The following ITM2B variants were observed in gnomAD, a reference collection of about 807,000 sequenced individuals.
ITM2B encodes the protein ABri/ADan amyloid peptide.
A neutral mutation model predicts 27.8 loss-of-function variants in ITM2B; 11 were observed. The observed-to-expected ratio is 0.40, with a 90% CI of 0.25 to 0.66. The LOEUF (loss-of-function observed/expected upper bound fraction) is 0.66. Among genes scored for constraint, ITM2B ranks in the 30% least tolerant of loss-of-function variants. ITM2B has a pLI of 0.43. For missense variants in ITM2B, 296 were observed against 328.9 expected (o/e 0.90, Z 0.77); for synonymous variants, 114 against 114.3 (o/e 1.00, Z 0.02).
intron 1 of ITM2B, among the ~76,000 whole-genome samples, chr13:48,249,271 C>G (rs1362652246): frequency 6.6e-6 from 1 of 152,120 alleles, no homozygotes; most frequent in East Asian, 1.9e-4. Flanking sequence ...TGCTAAACTT[C>G]TTTCACTTAG....
chr13:48,243,115 T>C (rs1335144063), intron 1 of ITM2B, among the ~76,000 whole-genome samples: 1 of 151,986 alleles, frequency 6.6e-6, no homozygotes, highest in Non-Finnish European at 1.5e-5. Flanking sequence ...TCAGACAGGA[T>C]GGTCTAGAAA....
At chr13:48,258,649 A>G in intron 4 of ITM2B, 148 bp from the exon 5 acceptor site, 2 of 738,710 alleles carry the variant, frequency 2.7e-6, no homozygotes, top group South Asian at 1.5e-5. Context: ...AGCCTGGACA[A>G]CATAGTGAGA....
Position 48,258,963 on chromosome 13 carries a change from T to G in ITM2B, c.715+16T>G. On this transcript the variant is annotated intron_variant, in intron 5 of 5. Transcript: ENST00000647800. Reference sequence around the variant, plus strand: ...ACTATTAAAGGTAATACTTTTTAAATATTAAAGTGTTGGGCAGAAAAGTTC... The same window carrying G: ...ACTATTAAAGGTAATACTTTTTAAAGATTAAAGTGTTGGGCAGAAAAGTTC... 6.2e-7 allele frequency: 1 copy of G among 1,602,064 alleles called. No individual in the cohort carries two copies. Among genetic ancestry groups the G allele is most frequent in the South Asian group, 1.1e-5 (1 of 90,064 alleles).
Position 48,269,454 on chromosome 13 carries a change from C to T in ITM2B, c.*8230C>T, listed in dbSNP as rs1951871823. 1 of 147,996 alleles carries T rather than the reference C, an allele frequency of 6.8e-6. No individual in the cohort carries two copies. 9.2% of individuals were successfully genotyped at this position (147,996 alleles called of 1,614,324 possible). A position where few individuals can be genotyped will look rare whatever the true frequency, so the allele number is the denominator to read the frequency against. On this transcript the variant is annotated 3_prime_UTR_variant, in exon 6 of 6. Coordinates refer to ENST00000647800, the MANE Select transcript of ITM2B (RefSeq NM_021999.5). ...CATCATGTCACTCCCCTGCTCAAAT[C>T]CCAACATTTTATTCAGAATAAAAGT...
chr13:48,258,177 C>G lies in ITM2B; in HGVS notation c.505C>G (p.Leu169Val). The G allele has an allele frequency of 6.2e-7, 1 of 1,607,074 alleles. No homozygotes were observed. The highest frequency in any genetic ancestry group is 8.5e-7 in the Non-Finnish European group (1 of 1,173,776). The change falls in exon 4 of 6, where the codon CTG becomes GTG. Residue 169 changes from leucine (L) to valine (V), a missense_variant. Physicochemically the swap from Leu to Val is conservative, Grantham distance 32. Transcript: ENST00000647800. Reference protein sequence around the residue: ...LNLDKCYVIPLNTSIVMPPRN... With the variant: ...LNLDKCYVIPVNTSIVMPPRN... ...CCTGGATAAGTGCTATGTGATCCCT[C>G]TGAACACTTCCATTGTTATGCCACC...
chr13:48,260,843 C>G (rs1175178698), intron 5 of ITM2B, among the ~76,000 whole-genome samples: 1 of 152,106 alleles, frequency 6.6e-6, no homozygotes, highest in Non-Finnish European at 1.5e-5. Flanking sequence ...TACACAAGGT[C>G]TTGCAAGCAC....
chr13:48,267,011 T>C lies in ITM2B; in HGVS notation c.*5787T>C, dbSNP rs1951857042. The C allele has an allele frequency of 6.6e-6, 1 of 152,146 alleles. No homozygotes were observed. 9.4% of individuals were successfully genotyped at this position (152,146 alleles called of 1,614,324 possible). A position where few individuals can be genotyped will look rare whatever the true frequency, so the allele number is the denominator to read the frequency against. ...ACTACATTTTAAAATGTAGGGGGGATTTTTGATTGTCACAGGACTAGAGGA... is the reference window on the plus strand; with the variant it reads ...ACTACATTTTAAAATGTAGGGGGGACTTTTGATTGTCACAGGACTAGAGGA... On this transcript the variant is annotated 3_prime_UTR_variant, in exon 6 of 6. Transcript: ENST00000647800.
chr13:48,248,646 A>T (rs532576231), intron 1 of ITM2B, among the ~76,000 whole-genome samples: 6 of 152,218 alleles, frequency 3.9e-5, no homozygotes, highest in African/African-American at 1.4e-4. Flanking sequence ...CCTGGGCCAC[A>T]TTGGAAGAAG....
At chr13:48,246,941 G>T (rs1951727480) in intron 1 of ITM2B, among the ~76,000 whole-genome samples, 1 of 152,150 alleles carries the variant, frequency 6.6e-6, no homozygotes, top group Non-Finnish European at 1.5e-5. Flanking sequence ...CGATTCTCGT[G>T]CCTCAGCCTC....
chr13:48,261,471 G>A lies in ITM2B; in HGVS notation c.*247G>A. 3.1e-6 allele frequency: 1 copy of A among 322,062 alleles called. No individual in the cohort carries two copies. Among genetic ancestry groups the A allele is most frequent in the South Asian group, 6.7e-5 (1 of 14,830 alleles). The allele number at this position is 322,062 out of a possible 1,614,324, so 20.0% of individuals were successfully genotyped here. A position where few individuals can be genotyped will look rare whatever the true frequency, so the allele number is the denominator to read the frequency against. ...ATAGATAATAGTACATGTCACCTTA[G>A]GTAGTAGGAAGAATTACAATTTCTT... On this transcript the variant is annotated 3_prime_UTR_variant, in exon 6 of 6. Coordinates refer to ENST00000647800, the MANE Select transcript of ITM2B (RefSeq NM_021999.5).
intron 2 of ITM2B, among the ~76,000 whole-genome samples, chr13:48,255,252 TGTGCGCGCGCGTGTGC>T (rs1056784834): frequency 4.6e-4 from 61 of 132,276 alleles, no homozygotes; most frequent in Admixed American, 7.2e-4. Context: ...TGTGTGTGTG[TGTGCGCGCGCGTGTGC>T]GTGCGCGCAC....
rs915589612 is a variant in ITM2B, at chr13:48,267,943, A to G, written c.*6719A>G. ...ATAGTTTACATGCAACGAAATGCAT[A>G]TATCTTAAGTGTTCAACTCAGTGAG... On this transcript the variant is annotated 3_prime_UTR_variant, in exon 6 of 6. Coordinates refer to ENST00000647800, the MANE Select transcript of ITM2B (RefSeq NM_021999.5). The G allele has an allele frequency of 4.6e-5, 7 of 152,208 alleles. No individual in the cohort carries two copies. Among genetic ancestry groups the G allele is most frequent in the African/African-American group, 1.4e-4 (6 of 41,458 alleles). 9.4% of individuals were successfully genotyped at this position (152,208 alleles called of 1,614,324 possible).
chr13:48,234,584 G>A (rs1323883222), intron 1 of ITM2B, among the ~76,000 whole-genome samples: 3 of 152,064 alleles, frequency 2.0e-5, no homozygotes, highest in Non-Finnish European at 2.9e-5. Context: ...CTGAAAAACA[G>A]GCCACTAATA....
chr13:48,252,950 A>G (rs1461400303), intron 1 of ITM2B, among the ~76,000 whole-genome samples: 1 of 152,240 alleles, frequency 6.6e-6, no homozygotes, highest in East Asian at 1.9e-4. Flanking sequence ...TCAGGTTAGA[A>G]GGGCACAGGG....
chr13:48,250,402 G>A (rs1001234277), intron 1 of ITM2B, among the ~76,000 whole-genome samples: 5 of 152,056 alleles, frequency 3.3e-5, no homozygotes, highest in African/African-American at 9.7e-5. Flanking sequence ...GGTGAATCAC[G>A]AGGTCAGGAG....
chr13:48,254,465 A>G (rs572436372), intron 2 of ITM2B, among the ~76,000 whole-genome samples: 2 of 152,336 alleles, frequency 1.3e-5, no homozygotes, highest in African/African-American at 4.8e-5. Context: ...AGTTGTTTAT[A>G]ACTTTGAGTG....
rs1337282787 is a variant in ITM2B at position 48,233,306 on chromosome 13, C to A, written c.-55C>A. 4.2e-6 allele frequency: 5 copies of A among 1,198,796 alleles called. No homozygotes were observed. Among genetic ancestry groups the A allele is most frequent in the Middle Eastern group, 2.1e-4 (1 of 4,702 alleles). 74.3% of individuals were successfully genotyped at this position (1,198,796 alleles called of 1,614,324 possible). ...GAGGCTGCAATCGCAGCCGGGAGCCCGCAGCCCGCGCCCCGAGCCCGCCGC... is the reference window on the plus strand; with the variant it reads ...GAGGCTGCAATCGCAGCCGGGAGCCAGCAGCCCGCGCCCCGAGCCCGCCGC... On this transcript the variant is annotated 5_prime_UTR_variant, in exon 1 of 6. Coordinates refer to ENST00000647800, the MANE Select transcript of ITM2B (RefSeq NM_021999.5).
At chr13:48,248,951 C>G (rs1951737979) in intron 1 of ITM2B, among the ~76,000 whole-genome samples, 2 of 152,206 alleles carry the variant, frequency 1.3e-5, no homozygotes, top group Non-Finnish European at 2.9e-5. Flanking sequence ...GTTAGACATT[C>G]TTTTATTGCC....
intron 1 of ITM2B, among the ~76,000 whole-genome samples, chr13:48,248,318 AAG>A (rs1377643822): frequency 2.0e-5 from 3 of 151,924 alleles, no homozygotes; most frequent in Non-Finnish European, 4.4e-5. Flanking sequence ...TATTTTTTAA[AAG>A]AGATAGGATC....
Sources: allele counts gnomAD v4.1 joint callset (sites outside exome capture counted in the v4.1 genomes callset), GRCh38; gene constraint gnomAD v4.1.1; transcripts MANE v1.5; gene names NCBI Gene and HGNC (gene_info 2026-07-23, HGNC 2026-07-21).